GPC6: variants seen among roughly 807,000 people sequenced by gnomAD.
GPC6 encodes glypican-6.
GPC6 carries 14 observed loss-of-function variants against 55.2 expected under a neutral mutation model. The observed-to-expected ratio is 0.25, with a 90% CI of 0.17 to 0.40. The LOEUF (loss-of-function observed/expected upper bound fraction) is 0.40, where lower values mean the gene tolerates loss of function less well. GPC6 is among the 10% of genes least tolerant of loss of function. The probability of loss-of-function intolerance (pLI) is 1.00; values close to 1 mark genes in which losing one functional copy is unlikely to be tolerated. For synonymous variants in GPC6, 278 were observed against 259.6 expected, an observed-to-expected ratio of 1.07 and a Z score of -0.68; for missense variants, 641 against 708.5, an observed-to-expected ratio of 0.90 and a Z score of 1.08.
intron 5 of GPC6, among the ~76,000 whole-genome samples, chr13:94,303,881 C>T (rs754956747): frequency 1.3e-5 from 2 of 152,050 alleles, no homozygotes; most frequent in Non-Finnish European, 2.9e-5. Flanking sequence ...TTTAACTTAA[C>T]CCAGTGAGCC....
At chr13:93,724,148 C>T (rs191258176) in intron 2 of GPC6, among the ~76,000 whole-genome samples, 22 of 151,856 alleles carry the variant, frequency 1.4e-4, no homozygotes, top group Admixed American at 1.4e-3. Flanking sequence ...ACCGATGGTA[C>T]TGGCCATGCT....
At chr13:94,124,735 C>T (rs1886748190) in intron 4 of GPC6, among the ~76,000 whole-genome samples, 1 of 152,056 alleles carries the variant, frequency 6.6e-6, no homozygotes. Flanking sequence ...TTTAAGAATT[C>T]AATTTGTAGA....
chr13:93,689,692 T>C (rs1020379714), intron 2 of GPC6, among the ~76,000 whole-genome samples: 6 of 152,166 alleles, frequency 3.9e-5, no homozygotes, highest in African/African-American at 1.4e-4. Flanking sequence ...ACAATGACTA[T>C]TCCCTCCATA....
At chr13:93,700,316 TC>T (rs1305670764) in intron 2 of GPC6, among the ~76,000 whole-genome samples, 1 of 152,034 alleles carries the variant, frequency 6.6e-6, no homozygotes, top group East Asian at 1.9e-4. Context: ...GTAAATCATT[TC>T]CAGTCAAGGC....
At chr13:93,362,575 C>T (rs1881079260) in intron 1 of GPC6, among the ~76,000 whole-genome samples, 2 of 151,980 alleles carry the variant, frequency 1.3e-5, no homozygotes, top group Admixed American at 6.6e-5. Flanking sequence ...GAGTTCTGCT[C>T]GAGTACTGTC....
chr13:94,308,417 T>C (rs1360605451), intron 6 of GPC6, among the ~76,000 whole-genome samples: 1 of 152,312 alleles, frequency 6.6e-6, no homozygotes, highest in South Asian at 2.1e-4. Context: ...CTCGAGAGTA[T>C]AGACAAGTAG....
At position 93,674,251 on chromosome 13, in the gene GPC6, C is replaced by T. The variant is rs529246791; in HGVS notation, c.319+128830C>T. 3.9e-5 allele frequency among the ~76,000 whole-genome samples: 6 copies of T among 152,214 alleles called. No individual in the cohort carries two copies. In the South Asian group the frequency reaches 6.2e-4, roughly 16 times the overall value. ...AAAGGTTGCCTTTAAACAGTGTCAT[C>T]CCATTATTTCTATAATAGAATTGTC... On this transcript the variant is annotated intron_variant, in intron 2 of 8. Coordinates refer to ENST00000377047, the MANE Select transcript of GPC6 (RefSeq NM_005708.5).
intron 2 of GPC6, among the ~76,000 whole-genome samples, chr13:93,716,209 C>T (rs1883250641): frequency 6.6e-6 from 1 of 151,604 alleles, no homozygotes; most frequent in African/African-American, 2.4e-5. Context: ...CTAATTTATG[C>T]ATTTACTATA....
chr13:94,397,968 G>A (rs11838835), intron 7 of GPC6, among the ~76,000 whole-genome samples: 4,229 of 152,158 alleles, frequency 0.028, 86 homozygotes, highest in African/African-American at 0.048. Flanking sequence ...AACATCTGAT[G>A]GTTTTATAAG....
At chr13:93,259,836 C>T (rs905605716) in intron 1 of GPC6, among the ~76,000 whole-genome samples, 4 of 151,934 alleles carry the variant, frequency 2.6e-5, no homozygotes, top group African/African-American at 9.7e-5. Context: ...TGTGTGGTAG[C>T]ATCATTAGAA....
Position 93,870,845 on chromosome 13 carries a change from C to T in GPC6, c.711+40300C>T, listed in dbSNP as rs1379869861. Among the ~76,000 whole-genome samples the T allele has an allele frequency of 3.3e-5, 5 of 152,006 alleles. No homozygotes were observed. In the East Asian group the frequency reaches 9.8e-4, roughly 30 times the overall value. ...ATGTTGCCCAGGCTGGTCTTGAACTCCTGGGCTCAATTGATCCTCCTGCCT... is the reference window on the plus strand; with the variant it reads ...ATGTTGCCCAGGCTGGTCTTGAACTTCTGGGCTCAATTGATCCTCCTGCCT... On this transcript the variant is annotated intron_variant, in intron 3 of 8. Coordinates refer to ENST00000377047, the MANE Select transcript of GPC6 (RefSeq NM_005708.5).
chr13:93,767,140 G>T (rs1885151316), intron 2 of GPC6, among the ~76,000 whole-genome samples: 1 of 151,992 alleles, frequency 6.6e-6, no homozygotes. Flanking sequence ...TATAGGACTG[G>T]GAAGCTACTG....
rs1481497444 is a variant in GPC6, at chr13:93,372,485, A to C, written c.160+144869A>C. ...TGTCAGGAGATCTGGGTTGTAATTC[A>C]CTGCCATCTAACCTCTTTGTACCTC... On this transcript the variant is annotated intron_variant, in intron 1 of 8. Coordinates refer to ENST00000377047, the MANE Select transcript of GPC6 (RefSeq NM_005708.5). 4.6e-5 allele frequency among the ~76,000 whole-genome samples: 7 copies of C among 152,164 alleles called. No individual in the cohort carries two copies. In the East Asian group the frequency reaches 1.3e-3, roughly 29 times the overall value.
In GPC6 at chr13:93,634,819, C is replaced by G. The variant is rs74111514; in HGVS notation, c.319+89398C>G. 2.7e-3 allele frequency among the ~76,000 whole-genome samples: 413 copies of G among 152,224 alleles called. 3 individuals carry two copies. Among genetic ancestry groups the G allele is most frequent in the African/African-American group, 9.2e-3 (384 of 41,528 alleles). On this transcript the variant is annotated intron_variant, in intron 2 of 8. Coordinates refer to ENST00000377047, the MANE Select transcript of GPC6 (RefSeq NM_005708.5). The stretch of plus-strand genomic sequence containing the variant: ...ATTGTGCAGAACAGTGTTATGTGGT[C>G]AGTCGCAGGCCAGCAAGTGTGAGGG...
intron 2 of GPC6, among the ~76,000 whole-genome samples, chr13:93,596,090 G>T (rs141090363): frequency 9.2e-5 from 14 of 152,234 alleles, no homozygotes; most frequent in African/African-American, 3.1e-4. Context: ...GCATTATTCA[G>T]CTCCCTAGCA....
At chr13:93,506,745 A>G (rs1424403881) in intron 1 of GPC6, among the ~76,000 whole-genome samples, 2 of 151,978 alleles carry the variant, frequency 1.3e-5, no homozygotes, top group Non-Finnish European at 2.9e-5. Context: ...ATGTACTTTA[A>G]AAAGCCCGGA....
chr13:93,643,336 T>G (rs1349997138), intron 2 of GPC6, among the ~76,000 whole-genome samples: 1 of 152,078 alleles, frequency 6.6e-6, no homozygotes, highest in Non-Finnish European at 1.5e-5. Context: ...CTTTACCTCC[T>G]GGCCTCTAAG....
intron 4 of GPC6, among the ~76,000 whole-genome samples, chr13:94,063,558 T>C (rs776094498): frequency 1.3e-5 from 2 of 152,208 alleles, no homozygotes; most frequent in Non-Finnish European, 2.9e-5. Context: ...TTTGTATTTT[T>C]GTCTACATTG....
intron 2 of GPC6, among the ~76,000 whole-genome samples, chr13:93,803,904 A>G (rs1191497345): frequency 6.6e-6 from 1 of 152,078 alleles, no homozygotes; most frequent in Non-Finnish European, 1.5e-5. Context: ...GGGGAATGGT[A>G]GAGGGTTGGG....
Sources: allele counts gnomAD v4.1 joint callset (sites outside exome capture counted in the v4.1 genomes callset), GRCh38; gene constraint gnomAD v4.1.1; transcripts MANE v1.5; gene names NCBI Gene and HGNC (gene_info 2026-07-23, HGNC 2026-07-21).